The following SIGLEC6 variants were observed in gnomAD, a reference collection of about 807,000 sequenced individuals.
SIGLEC6 encodes the protein sialic acid-binding Ig-like lectin 6.
Under a neutral mutation model 41.4 loss-of-function variants are expected in SIGLEC6, and 31 were observed. The observed-to-expected ratio is 0.75, with a 90% confidence interval of 0.56 to 1.01. The LOEUF is 1.01. Ranked by LOEUF, SIGLEC6 falls within the 50% of genes least tolerant of loss-of-function variation. The pLI, the probability that SIGLEC6 is intolerant of heterozygous loss-of-function variation, is 0.00. For missense variants in SIGLEC6, 555 were observed against 558.6 expected, an observed-to-expected ratio of 0.99 and a Z score of 0.06; for synonymous variants, 217 against 231.0, an observed-to-expected ratio of 0.94 and a Z score of 0.55.
chr19:51,527,528 C>T (rs1053098852), intron 7 of SIGLEC6, among the ~76,000 whole-genome samples: 11 of 152,092 alleles, frequency 7.2e-5, no homozygotes, highest in African/African-American at 2.7e-4. Context: ...AACTGGAGTA[C>T]GTATTTCATC....
Position 51,531,148 on chromosome 19 carries a change from C to T in SIGLEC6, c.427+12G>A, listed in dbSNP as rs753063657. On this transcript the variant is annotated intron_variant, in intron 2 of 7. Coordinates refer to ENST00000425629, the MANE Select transcript of SIGLEC6 (RefSeq NM_001245.7). ...CCTTCCCCTGTGGCTAGTCCTGGAG[C>T]TGGTTCCTTACCCATCACACGCACA... 2.5e-6 allele frequency: 4 copies of T among 1,572,902 alleles called. No individual in the cohort carries two copies. Among genetic ancestry groups the T allele is most frequent in the Non-Finnish European group, 3.5e-6 (4 of 1,158,652 alleles).
At chr19:51,525,751 G>A (rs551323582) in intron 7 of SIGLEC6, among the ~76,000 whole-genome samples, 2 of 152,200 alleles carry the variant, frequency 1.3e-5, no homozygotes, top group South Asian at 4.1e-4. Context: ...CTCTTCACCA[G>A]GCAGGGCCCC....
intron 7 of SIGLEC6, among the ~76,000 whole-genome samples, chr19:51,523,027 C>G (rs1978548593): frequency 6.6e-6 from 1 of 151,898 alleles, no homozygotes; most frequent in African/African-American, 2.4e-5. Flanking sequence ...GTAGTCATAG[C>G]TATTTGAAAG....
chr19:51,530,318 T>C (rs2305771), intron 4 of SIGLEC6, 119 bp downstream of exon 4: 65,389 of 921,160 alleles, frequency 0.071, 2,644 homozygotes, highest in East Asian at 0.12. Flanking sequence ...TGAGCAAAGA[T>C]TCAGTCCAGG....
chr19:51,520,138 G>T lies in SIGLEC6; in HGVS notation c.1306C>A (p.Pro436Thr), dbSNP rs774586878. ...YAVLHFHKVQPQEPKVTDTEY... is the reference protein window; with the variant it reads ...YAVLHFHKVQTQEPKVTDTEY... ...GTGTCGGTGACCTTTGGTTCCTGAG[G>T]TTGCACCTTGTGGAAGTGTAGGACA... The change falls in exon 8 of 8, where the codon CCT (proline) becomes ACT (threonine). Residue 436 changes from proline (P) to threonine (T), a missense_variant. Physicochemically the swap from Pro to Thr is conservative, Grantham distance 38. Transcript: ENST00000425629. 6.2e-7 allele frequency: 1 copy of T among 1,602,248 alleles called. No homozygotes were observed. Among genetic ancestry groups the T allele is most frequent in the East Asian group, 2.2e-5 (1 of 44,618 alleles).
Position 51,517,916 on chromosome 19 carries a change from G to A in SIGLEC6, c.*2166C>T, listed in dbSNP as rs2122249291. Among the ~76,000 whole-genome samples the A allele has an allele frequency of 1.3e-5, 2 of 152,080 alleles. No individual in the cohort carries two copies. Among genetic ancestry groups the A allele is most frequent in the Non-Finnish European group, 2.9e-5 (2 of 67,984 alleles). ...CTCTTCTGAACTTTATGTTATTATA[G>A]TTTCTGGGCTATATAATATTGGTAT... is the stretch of plus-strand genomic sequence containing the variant. On this transcript the variant is annotated 3_prime_UTR_variant, in exon 8 of 8. Coordinates refer to ENST00000425629, the MANE Select transcript of SIGLEC6 (RefSeq NM_001245.7).
At position 51,520,154 on chromosome 19, in the gene SIGLEC6, G is replaced by A. The variant is rs764749174; in HGVS notation, c.1290C>T (p.His430=). Residue 430 remains histidine, a synonymous_variant, in exon 8 of 8, where the codon CAC becomes CAT. Coordinates refer to ENST00000425629, the MANE Select transcript of SIGLEC6 (RefSeq NM_001245.7). ...GTTCCTGAGGTTGCACCTTGTGGAA[G>A]TGTAGGACAGCGTAGTGGAGCTCCT... is the stretch of plus-strand genomic sequence containing the variant. ...DEQELHYAVL[H]FHKVQPQEPK... is the part of the protein sequence containing the mutation. 3.1e-6 allele frequency: 5 copies of A among 1,608,856 alleles called. No homozygotes were observed. The highest frequency in any genetic ancestry group is 4.3e-6 in the Non-Finnish European group (5 of 1,175,868).
At chr19:51,530,353 G>T in intron 4 of SIGLEC6, 84 bp downstream of exon 4, 2 of 1,279,800 alleles carry the variant, frequency 1.6e-6, no homozygotes, top group Non-Finnish European at 2.2e-6. Flanking sequence ...GGAGGCCTTA[G>T]TCCTGGCTTC....
Position 51,520,242 on chromosome 19 carries a change from TG to T in SIGLEC6, c.1201del (p.Gln401SerfsTer6). ...MVSGSRGHQH[Q>X]FQTGIVSDHP... ...GTCTGAAACTATGCCTGTCTGGAAC[TG>T]GTGCTGATGACCCTTAATGGAAGAA... On this transcript the variant is annotated frameshift_variant, in exon 8 of 8. Transcript: ENST00000425629. LOFTEE classifies it low-confidence loss of function (END_TRUNC). 6.3e-7 allele frequency: 1 copy of T among 1,587,984 alleles called. No homozygotes were observed. Among genetic ancestry groups the T allele is most frequent in the Non-Finnish European group, 8.6e-7 (1 of 1,161,018 alleles).
intron 7 of SIGLEC6, among the ~76,000 whole-genome samples, chr19:51,521,446 T>C (rs975299662): frequency 1.3e-5 from 2 of 152,156 alleles, no homozygotes; most frequent in African/African-American, 4.8e-5. Context: ...GAGATTTATG[T>C]TCCACTCATG....
intron 7 of SIGLEC6, among the ~76,000 whole-genome samples, chr19:51,525,356 G>A (rs1422572721): frequency 2.6e-5 from 4 of 152,094 alleles, no homozygotes; most frequent in Non-Finnish European, 5.9e-5. Flanking sequence ...CTACTCCCCC[G>A]AGGCTGGAGA....
Position 51,530,419 on chromosome 19 carries a change from G to A in SIGLEC6, c.754+18C>T, listed in dbSNP as rs1416387329. On this transcript the variant is annotated intron_variant, in intron 4 of 7. Transcript: ENST00000425629. ...CTTCCATCTGGCCCTGGAGAGAACAGGACTGGCTGGTTCCTACCTGCGCTG... is the reference window on the plus strand; with the variant it reads ...CTTCCATCTGGCCCTGGAGAGAACAAGACTGGCTGGTTCCTACCTGCGCTG... 1 of 1,612,218 alleles carries A rather than the reference G, an allele frequency of 6.2e-7. No individual in the cohort carries two copies. Among genetic ancestry groups the A allele is most frequent in the Middle Eastern group, 1.7e-4 (1 of 6,054 alleles).
At chr19:51,529,395 A>C in intron 5 of SIGLEC6, 2 of 372,594 alleles carry the variant, frequency 5.4e-6, no homozygotes, top group South Asian at 2.8e-5. Flanking sequence ...CTGCTCTGGG[A>C]TGTTCTGGGC....
rs1244624572 is a variant in SIGLEC6 at position 51,519,911 on chromosome 19, C to T, written c.*171G>A. On this transcript the variant is annotated 3_prime_UTR_variant, in exon 8 of 8. Coordinates refer to ENST00000425629, the MANE Select transcript of SIGLEC6 (RefSeq NM_001245.7). ...CAACAAGAGAGGCCTTAGAAGGGAC[C>T]AACCCTGATAACACCTTGTTCTCAG... 1.6e-5 allele frequency: 8 copies of T among 492,610 alleles called. No homozygotes were observed. In the East Asian group the frequency reaches 2.8e-4, roughly 17 times the overall value. 30.5% of individuals were successfully genotyped at this position (492,610 alleles called of 1,614,324 possible). A position where few individuals can be genotyped will look rare whatever the true frequency, so the allele number is the denominator to read the frequency against.
intron 7 of SIGLEC6, among the ~76,000 whole-genome samples, chr19:51,525,079 G>A (rs1435666385): frequency 6.6e-6 from 1 of 152,220 alleles, no homozygotes; most frequent in Non-Finnish European, 1.5e-5. Context: ...GGCACCAGGT[G>A]TCATAGCTTC....
intron 7 of SIGLEC6, among the ~76,000 whole-genome samples, chr19:51,524,784 G>A (rs576101963): frequency 2.6e-5 from 4 of 152,286 alleles, no homozygotes; most frequent in South Asian, 4.1e-4. Context: ...AGAAGGACAC[G>A]TTGACATTCA....
intron 3 of SIGLEC6, 65 bp downstream of exon 3, chr19:51,530,616 C>G: frequency 6.2e-7 from 1 of 1,608,970 alleles, no homozygotes; most frequent in Non-Finnish European, 8.5e-7. Context: ...ACTTTAAGCT[C>G]TGGCTCAGCC....
intron 7 of SIGLEC6, among the ~76,000 whole-genome samples, chr19:51,527,098 G>A (rs1050273061): frequency 2.6e-5 from 4 of 152,132 alleles, no homozygotes; most frequent in Non-Finnish European, 5.9e-5. Context: ...AGGAGAGAGA[G>A]CAAGCAACTT....
In SIGLEC6 at chr19:51,528,242, C is replaced by T. The variant is rs1369411391; in HGVS notation, c.1024G>A (p.Gly342Ser). The T allele has an allele frequency of 6.2e-7, 1 of 1,614,040 alleles. No individual in the cohort carries two copies. Among genetic ancestry groups the T allele is most frequent in the South Asian group, 1.1e-5 (1 of 91,082 alleles). Residue 342 changes from glycine (G) to serine (S), a missense_variant, in exon 6 of 8, where the codon GGC becomes AGC. Physicochemically the swap from Gly to Ser is moderately conservative, Grantham distance 56. Coordinates refer to ENST00000425629, the MANE Select transcript of SIGLEC6 (RefSeq NM_001245.7). ...GCTCCCAGGACACCACCAGCCCTGC[C>T]TTCTGGTTTCCCTATAATTTGAATT... Reference protein sequence around the residue: ...LSLFVHWKPEGRAGGVLGAVW... With the variant: ...LSLFVHWKPESRAGGVLGAVW...
Sources: allele counts gnomAD v4.1 joint callset (sites outside exome capture counted in the v4.1 genomes callset), GRCh38; gene constraint gnomAD v4.1.1; transcripts MANE v1.5; gene names NCBI Gene and HGNC (gene_info 2026-07-23, HGNC 2026-07-21).